The following MLXIP variants were observed in gnomAD, a reference collection of about 807,000 sequenced individuals.
MLXIP encodes the protein MLX-interacting protein.
MLXIP carries 30 observed loss-of-function variants against 87.2 expected under a neutral mutation model. That is an observed-to-expected ratio of 0.34 (90% CI 0.26 to 0.47). MLXIP has a LOEUF of 0.47. MLXIP is among the 20% of genes least tolerant of loss of function. The pLI, the probability that MLXIP is intolerant of heterozygous loss-of-function variation, is 1.00. For missense variants in MLXIP, 1,002 were observed against 1,240.1 expected, an observed-to-expected ratio of 0.81 and a Z score of 2.88; for synonymous variants, 530 against 514.0, an observed-to-expected ratio of 1.03 and a Z score of -0.42.
chr12:122,081,490 G>T (rs1265249247), intron 1 of MLXIP, among the ~76,000 whole-genome samples: 6 of 152,186 alleles, frequency 3.9e-5, no homozygotes, highest in Admixed American at 6.5e-5. Flanking sequence ...AGCTCTCCTA[G>T]TGAGAACTGC....
chr12:122,100,914 CATTATTAGCCA>C (rs1460110397), intron 1 of MLXIP, among the ~76,000 whole-genome samples: 3 of 152,174 alleles, frequency 2.0e-5, no homozygotes, highest in Non-Finnish European at 4.4e-5. Context: ...ACTCCGAAGC[CATTATTAGCCA>C]GTTATTAGCC....
chr12:122,138,677 T>C, intron 14 of MLXIP, 126 bp downstream of exon 14: 1 of 1,493,980 alleles, frequency 6.7e-7, no homozygotes, highest in African/African-American at 1.4e-5. Flanking sequence ...GTTCTGCTCT[T>C]TGTCAACCTC....
Position 122,079,067 on chromosome 12 carries a change from C to T in MLXIP, c.214C>T (p.Arg72Cys), listed in dbSNP as rs900310016. 2.0e-6 allele frequency: 3 copies of T among 1,523,392 alleles called. No homozygotes were observed. The highest frequency in any genetic ancestry group is 2.8e-5 in the African/African-American group (2 of 71,024). 94.4% of individuals were successfully genotyped at this position (1,523,392 alleles called of 1,614,324 possible). A position where few individuals can be genotyped will look rare whatever the true frequency, so the allele number is the denominator to read the frequency against. Residue 72 changes from arginine (R) to cysteine (C), a missense_variant, in exon 1 of 17, where the codon CGC (arginine) becomes TGC (cysteine). This residue lies in a region of MLXIP where 127 missense variants were observed against 239.0 expected (regional missense o/e 0.53). Coordinates refer to ENST00000319080, the MANE Select transcript of MLXIP (RefSeq NM_014938.6). ...RAGPGREEPP[R>C]RQQIIHSGHF... ...CGGGCCGGGCCGCGAGGAACCTCCG[C>T]GCCGCCAGCAGATCATCCACAGCGG...
intron 1 of MLXIP, among the ~76,000 whole-genome samples, chr12:122,104,575 CTTTT>C (rs751931978): frequency 1.1e-4 from 10 of 91,292 alleles, no homozygotes; most frequent in Non-Finnish European, 2.1e-4. Flanking sequence ...ATTACCTTTT[CTTTT>C]TTTTTTTTTT....
intron 1 of MLXIP, among the ~76,000 whole-genome samples, chr12:122,093,821 G>C (rs1952293485): frequency 7.0e-6 from 1 of 143,452 alleles, no homozygotes; most frequent in Non-Finnish European, 1.5e-5. Context: ...GTGTGTTGGT[G>C]TGTGTGTCAG....
At chr12:122,140,884 C>A (rs762709464) in intron 15 of MLXIP, 70 bp from the exon 16 acceptor site, 10 of 1,612,712 alleles carry the variant, frequency 6.2e-6, no homozygotes, top group South Asian at 1.1e-5. Context: ...GTACGCCAGT[C>A]CAACCACCTT....
intron 1 of MLXIP, among the ~76,000 whole-genome samples, chr12:122,092,097 T>TTTTTC (rs952017272): frequency 1.3e-5 from 2 of 151,726 alleles, no homozygotes; most frequent in African/African-American, 4.9e-5. Flanking sequence ...TTTCTTTTCT[T>TTTTTC]TTTTCTTTTC....
At chr12:122,095,170 G>A (rs1367290238) in intron 1 of MLXIP, among the ~76,000 whole-genome samples, 2 of 105,518 alleles carry the variant, frequency 1.9e-5, no homozygotes, top group Non-Finnish European at 4.6e-5. Flanking sequence ...TGTGTGTGGT[G>A]AGTGCGGTGT....
At position 122,129,858 on chromosome 12, in the gene MLXIP, A is replaced by G. The variant is rs1952944570; in HGVS notation, c.739-83A>G. On this transcript the variant is annotated intron_variant, in intron 5 of 16. Transcript: ENST00000319080. ...CTTCCACTGAGCACCCCTTTGACGA[A>G]TTTCCCCAGGTGACAGGCGTGGGAA... is the stretch of plus-strand genomic sequence containing the variant. The G allele has an allele frequency of 2.0e-6, 3 of 1,530,346 alleles. No individual in the cohort carries two copies. The Admixed American group carries it at 5.7e-5, about 29-fold the overall frequency. 94.8% of individuals were successfully genotyped at this position (1,530,346 alleles called of 1,614,324 possible).
intron 1 of MLXIP, among the ~76,000 whole-genome samples, chr12:122,104,360 T>G (rs1952486151): frequency 6.6e-6 from 1 of 152,082 alleles, no homozygotes; most frequent in Non-Finnish European, 1.5e-5. Context: ...AGTCTTTCCG[T>G]GTGTTTTGTA....
chr12:122,110,907 C>G (rs1018506871), intron 1 of MLXIP, among the ~76,000 whole-genome samples: 1 of 151,964 alleles, frequency 6.6e-6, no homozygotes, highest in Non-Finnish European at 1.5e-5. Context: ...GAAACCCCGT[C>G]TCTACTAAAA....
chr12:122,133,944 A>T lies in MLXIP; in HGVS notation c.1689A>T (p.Pro563=), dbSNP rs537373354. Residue 563 remains proline (P), a synonymous_variant, in exon 9 of 17, where the codon CCA becomes CCT. Coordinates refer to ENST00000319080, the MANE Select transcript of MLXIP (RefSeq NM_014938.6). This position sits in a 1 kb window ranked among gnomAD's most constrained non-coding sequence, Gnocchi z 4.9. ...ACAAAATAGTGCCTGCTCCCAAACC[A>T]GAGCCCGTGTCCTTGGTGTTGAAGA... ...QPHKIVPAPK[P]EPVSLVLKNA... 6.2e-7 allele frequency: 1 copy of T among 1,607,052 alleles called. No individual in the cohort carries two copies. The highest frequency in any genetic ancestry group is 1.1e-5 in the South Asian group (1 of 89,806).
At chr12:122,120,418 C>G (rs754935738) in intron 1 of MLXIP, among the ~76,000 whole-genome samples, 2 of 152,012 alleles carry the variant, frequency 1.3e-5, no homozygotes, top group African/African-American at 2.4e-5. Flanking sequence ...AGATGGTGGT[C>G]TCTCACTACG....
In MLXIP at chr12:122,129,998, A is replaced by G. The variant is rs1228278738; in HGVS notation, c.796A>G (p.Met266Val). The G allele has an allele frequency of 4.3e-6, 7 of 1,614,020 alleles. No homozygotes were observed. The highest frequency in any genetic ancestry group is 5.9e-6 in the Non-Finnish European group (7 of 1,179,894). The change falls in exon 6 of 17, where the codon ATG becomes GTG. Residue 266 changes from methionine (M) to valine (V), a missense_variant. Physicochemically the swap from Met to Val is conservative, Grantham distance 21. Around this residue, in one of 3 missense-constraint regions of MLXIP, gnomAD observed 746 missense variants for 897.0 expected, o/e 0.83. Coordinates refer to ENST00000319080, the MANE Select transcript of MLXIP (RefSeq NM_014938.6). ...GGATGGATGGAAGACCCCCGTCCCC[A>G]TGGAGGAGGATCCCCTGCTGGACAC... ...HGDGWKTPVP[M>V]EEDPLLDTDM...
rs1446714995 is a variant in MLXIP at position 122,143,465 on chromosome 12, TGAGGC to T, written c.*1655_*1659del. On this transcript the variant is annotated 3_prime_UTR_variant, in exon 17 of 17. Transcript: ENST00000319080. ...TCACCTTCCTGTGGGGTGAACGTAA[TGAGGC>T]GGGGCTGGTCCTTGGAATTTCCCCT... 6.6e-6 allele frequency: 1 copy of T among 152,334 alleles called. No individual in the cohort carries two copies. The highest frequency in any genetic ancestry group is 1.5e-5 in the Non-Finnish European group (1 of 68,112). The allele number at this position is 152,334 out of a possible 1,614,324, so 9.4% of individuals were successfully genotyped here. A position where few individuals can be genotyped will look rare whatever the true frequency, so the allele number is the denominator to read the frequency against.
Position 122,135,561 on chromosome 12 carries a change from G to T in MLXIP, c.1927G>T (p.Ala643Ser), listed in dbSNP as rs1289692362. The change falls in exon 11 of 17, where the codon GCC (alanine) becomes TCC (serine). Residue 643 changes from alanine to serine, a missense_variant. Physicochemically the swap from Ala to Ser is moderately conservative, Grantham distance 99. Around this residue, in one of 3 missense-constraint regions of MLXIP, gnomAD observed 746 missense variants for 897.0 expected, o/e 0.83. Coordinates refer to ENST00000319080, the MANE Select transcript of MLXIP (RefSeq NM_014938.6). This position sits in a 1 kb window ranked among gnomAD's most constrained non-coding sequence, Gnocchi z 5.3. Reference sequence around the variant, plus strand: ...CGGCCATGGCACGAGCAGCCCGCCTGCCCCCGTCTCCCGGCTCTTCCCAAG... The same window carrying T: ...CGGCCATGGCACGAGCAGCCCGCCTTCCCCCGTCTCCCGGCTCTTCCCAAG... ...DLGHGTSSPPAPVSRLFPSTA... is the reference protein window; with the variant it reads ...DLGHGTSSPPSPVSRLFPSTA... 1.2e-6 allele frequency: 2 copies of T among 1,603,270 alleles called. No homozygotes were observed. The highest frequency in any genetic ancestry group is 1.3e-5 in the African/African-American group (1 of 74,852).
At chr12:122,090,909 G>A (rs977956719) in intron 1 of MLXIP, among the ~76,000 whole-genome samples, 4 of 152,122 alleles carry the variant, frequency 2.6e-5, no homozygotes, top group Non-Finnish European at 4.4e-5. Context: ...GCCTAGAGTA[G>A]CAAACTCATA....
rs954312791 is a variant in MLXIP at position 122,137,245 on chromosome 12, C to T, written c.2033-224C>T. On this transcript the variant is annotated intron_variant, in intron 11 of 16. Transcript: ENST00000319080. This position sits in a 1 kb window ranked among gnomAD's most constrained non-coding sequence, Gnocchi z 4.1. ...AACACGTCACACAGGGTTGCTCCAT[C>T]GTGTTCTGTGTGGATTAAGGGTGTT... 2 of 421,572 alleles carry T rather than the reference C, an allele frequency of 4.7e-6. No homozygotes were observed. Among genetic ancestry groups the T allele is most frequent in the African/African-American group, 2.0e-5 (1 of 49,012 alleles). The allele number at this position is 421,572 out of a possible 1,614,324, so 26.1% of individuals were successfully genotyped here. A position where few individuals can be genotyped will look rare whatever the true frequency, so the allele number is the denominator to read the frequency against.
intron 1 of MLXIP, among the ~76,000 whole-genome samples, chr12:122,107,323 A>G (rs1281658693): frequency 2.6e-5 from 4 of 151,536 alleles, no homozygotes; most frequent in Admixed American, 1.3e-4. Flanking sequence ...ATGCATTTGC[A>G]TTTTCCTGGA....
Sources: allele counts gnomAD v4.1 joint callset (sites outside exome capture counted in the v4.1 genomes callset), GRCh38; gene constraint gnomAD v4.1.1; regional missense constraint gnomAD v4.1.1; non-coding constraint Gnocchi (gnomAD v3.1); transcripts MANE v1.5; gene names NCBI Gene and HGNC (gene_info 2026-07-23, HGNC 2026-07-21).